CD36: variants seen among roughly 807,000 people sequenced by gnomAD.
CD36 encodes the protein CD36 molecule (CD36 blood group), also known as platelet glycoprotein 4.
CD36 carries 119 observed loss-of-function variants against 55.2 expected under a neutral mutation model. The ratio of observed to expected loss-of-function variants is 2.15; its 90% CI spans 1.86 to 2.51. The LOEUF is 2.51. CD36 is among the 30% of genes most tolerant of loss of function. CD36 has a pLI of 0.00. For missense variants in CD36, 819 were observed against 555.5 expected (o/e 1.47, Z -4.77); for synonymous variants, 186 against 193.6 (o/e 0.96, Z 0.33).
chr7:80,671,302 A>G (rs1380624587), intron 10 of CD36, 138 bp downstream of exon 10: 7 of 617,822 alleles, frequency 1.1e-5, no homozygotes, highest in African/African-American at 1.9e-5. Flanking sequence ...TGAGAACTTT[A>G]CCATAATCCT....
At position 80,656,536 on chromosome 7, in the gene CD36, A is replaced by G; in HGVS notation, c.121-4A>G. 3.1e-6 allele frequency: 5 copies of G among 1,613,246 alleles called. No individual in the cohort carries two copies. Among genetic ancestry groups the G allele is most frequent in the Non-Finnish European group, 4.2e-6 (5 of 1,179,502 alleles). On this transcript the variant is annotated splice_region_variant and splice_polypyrimidine_tract_variant and intron_variant, in intron 3 of 14. Transcript: ENST00000447544. Reference sequence around the variant, plus strand: ...ATAACCCAAACTTATTTTCTTTTTCATAGCAAGTTGTCCTCGAAGAAGGTA... The same window carrying G: ...ATAACCCAAACTTATTTTCTTTTTCGTAGCAAGTTGTCCTCGAAGAAGGTA...
chr7:80,632,409 G>C (rs924369208), intron 1 of CD36, among the ~76,000 whole-genome samples: 1 of 151,956 alleles, frequency 6.6e-6, no homozygotes, highest in Non-Finnish European at 1.5e-5. Context: ...CCTGGAAAAC[G>C]TTTGTGTGTG....
At chr7:80,611,023 A>C (rs2115769614) in intron 1 of CD36, among the ~76,000 whole-genome samples, 1 of 150,950 alleles carries the variant, frequency 6.6e-6, no homozygotes, top group African/African-American at 2.4e-5. Context: ...CTACAGGTAC[A>C]CACCACCATG....
intron 7 of CD36, 59 bp downstream of exon 7, chr7:80,664,556 T>C (rs767467496): frequency 1.3e-5 from 12 of 931,946 alleles, no homozygotes; most frequent in Non-Finnish European, 2.1e-5. Context: ...GCAGGAATAG[T>C]ATTCATTTAA....
In CD36 at chr7:80,605,232, C is replaced by T. The variant is rs577633451; in HGVS notation, c.-184+2853C>T. On this transcript the variant is annotated intron_variant, in intron 1 of 13. Coordinates refer to the CD36 transcript ENST00000309881. ...TCACATACCTTTATTCATTGACATACTCTTTCAAAAATATTTAATGAACAC... is the reference window on the plus strand; with the variant it reads ...TCACATACCTTTATTCATTGACATATTCTTTCAAAAATATTTAATGAACAC... Among the ~76,000 whole-genome samples the T allele has an allele frequency of 2.6e-5, 4 of 152,242 alleles. No individual in the cohort carries two copies. The South Asian group carries it at 6.2e-4, about 24-fold the overall frequency.
intron 1 of CD36, among the ~76,000 whole-genome samples, chr7:80,603,154 CG>C (rs1195772243): frequency 6.6e-6 from 1 of 151,874 alleles, no homozygotes; most frequent in Non-Finnish European, 1.5e-5. Flanking sequence ...CAGACAACAC[CG>C]CCAGGAATGA....
rs1798253558 is a variant in CD36, at chr7:80,679,131, G to T, written c.*2748G>T. Reference sequence around the variant, plus strand: ...TTTTTTTTCCTGAGCTATTTTCACTGAGCTGAGCTAATGAACTAAAACTGA... The same window carrying T: ...TTTTTTTTCCTGAGCTATTTTCACTTAGCTGAGCTAATGAACTAAAACTGA... On this transcript the variant is annotated 3_prime_UTR_variant, in exon 15 of 15. Coordinates refer to ENST00000447544, the MANE Select transcript of CD36 (RefSeq NM_001001548.3). 6.6e-6 allele frequency: 1 copy of T among 151,906 alleles called. No homozygotes were observed. The allele number at this position is 151,906 out of a possible 1,614,324, so 9.4% of individuals were successfully genotyped here. A position where few individuals can be genotyped will look rare whatever the true frequency, so the allele number is the denominator to read the frequency against.
At chr7:80,605,457 C>T (rs941794894) in intron 1 of CD36, among the ~76,000 whole-genome samples, 1 of 151,870 alleles carries the variant, frequency 6.6e-6, no homozygotes, top group East Asian at 1.9e-4. Flanking sequence ...GACCCCACAA[C>T]AACAGCTCCC....
chr7:80,630,213 C>G (rs139069545), intron 1 of CD36, among the ~76,000 whole-genome samples: 1 of 152,094 alleles, frequency 6.6e-6, no homozygotes, highest in Non-Finnish European at 1.5e-5. Context: ...GTGTGTCAAA[C>G]TGTCATCGGG....
At chr7:80,641,394 C>T (rs1189554590) in intron 1 of CD36, among the ~76,000 whole-genome samples, 1 of 152,042 alleles carries the variant, frequency 6.6e-6, no homozygotes, top group African/African-American at 2.4e-5. Context: ...AACTTCTATA[C>T]TCATGCAAAC....
At chr7:80,662,401 A>G in intron 5 of CD36, 1 of 227,302 alleles carries the variant, frequency 4.4e-6, no homozygotes. Flanking sequence ...CACCCTGGAG[A>G]TGCTGTACTG....
intron 12 of CD36, 122 bp from the exon 13 acceptor site, chr7:80,673,233 G>A (rs1311916433): frequency 3.6e-6 from 2 of 557,344 alleles, no homozygotes; most frequent in Non-Finnish European, 6.4e-6. Context: ...AAATTTAAAT[G>A]AGTCATTACA....
intron 3 of CD36, among the ~76,000 whole-genome samples, chr7:80,655,252 G>T (rs997526546): frequency 6.6e-6 from 1 of 152,080 alleles, no homozygotes; most frequent in Non-Finnish European, 1.5e-5. Context: ...TAGAAATACC[G>T]CCTGCTTCAA....
chr7:80,658,435 A>T (rs1459997035), intron 4 of CD36, among the ~76,000 whole-genome samples: 1 of 152,004 alleles, frequency 6.6e-6, no homozygotes, highest in Non-Finnish European at 1.5e-5. Context: ...AGAATTTGAG[A>T]ACTCATCATG....
intron 1 of CD36, chr7:80,639,771 T>C (rs1213497846): frequency 1.3e-5 from 2 of 151,990 alleles, no homozygotes; most frequent in Non-Finnish European, 2.9e-5. Flanking sequence ...ATGTTTGTTA[T>C]ATAGAAAGTC....
chr7:80,628,393 G>A (rs1459123987), intron 1 of CD36, among the ~76,000 whole-genome samples: 1 of 151,932 alleles, frequency 6.6e-6, no homozygotes. Flanking sequence ...TTCTATAAGT[G>A]GAACACTAAA....
chr7:80,674,024 T>A lies in CD36; in HGVS notation c.1296T>A (p.Ser432Arg). 1 of 1,612,272 alleles carries A rather than the reference T, an allele frequency of 6.2e-7. No individual in the cohort carries two copies. Among genetic ancestry groups the A allele is most frequent in the Non-Finnish European group, 8.5e-7 (1 of 1,178,844 alleles). The change falls in exon 14 of 15, where the codon AGT becomes AGA. Residue 432 changes from serine (S) to arginine (R), a missense_variant. Ser to Arg is a moderately radical substitution (Grantham distance 110, BLOSUM62 -1). Transcript: ENST00000447544. Reference protein sequence around the residue: ...IGDEKANMFRSQVTGKINLLG... With the variant: ...IGDEKANMFRRQVTGKINLLG... ...ATGAGAAGGCAAACATGTTCAGAAG[T>A]CAAGTAACTGGAAAAATAAACCTCC...
At chr7:80,639,976 T>C (rs1432640643) in intron 1 of CD36, 1 of 151,986 alleles carries the variant, frequency 6.6e-6, no homozygotes, top group East Asian at 1.9e-4. Flanking sequence ...TTGGAAGTTA[T>C]AGTTGCCACC....
rs1166988434 is a variant in CD36 at position 80,675,935 on chromosome 7, C to A, written c.*1-449C>A. Among the ~76,000 whole-genome samples the A allele has an allele frequency of 2.0e-5, 3 of 147,432 alleles. No individual in the cohort carries two copies. The East Asian group carries it at 6.1e-4, about 30-fold the overall frequency. On this transcript the variant is annotated intron_variant, in intron 14 of 14. Transcript: ENST00000447544. The stretch of plus-strand genomic sequence containing the variant: ...TCCAGGGCAGATGCACTTCAGCTAC[C>A]GTTCCTTGCCTGGTGTGTGCTTGTC...
Sources: allele counts gnomAD v4.1 joint callset (sites outside exome capture counted in the v4.1 genomes callset), GRCh38; gene constraint gnomAD v4.1.1; transcripts MANE v1.5; gene names NCBI Gene and HGNC (gene_info 2026-07-23, HGNC 2026-07-21).